The following SENP7 variants were observed in gnomAD, a reference collection of about 807,000 sequenced individuals.
SENP7 encodes the protein SUMO specific peptidase 7.
Under a neutral mutation model 141.2 loss-of-function variants are expected in SENP7, and 64 were observed. The ratio of observed to expected loss-of-function variants is 0.45; its 90% CI spans 0.37 to 0.56. The LOEUF (loss-of-function observed/expected upper bound fraction) is 0.56. Among genes scored for constraint, SENP7 ranks in the 20% least tolerant of loss-of-function variants. SENP7 has a pLI of 0.00. For synonymous variants in SENP7, 382 were observed against 426.4 expected, an observed-to-expected ratio of 0.90 and a Z score of 1.28; for missense variants, 1,025 against 1,212.2, an observed-to-expected ratio of 0.85 and a Z score of 2.29.
At chr3:101,336,890 G>A (rs912352695) in intron 17 of SENP7, among the ~76,000 whole-genome samples, 4 of 152,146 alleles carry the variant, frequency 2.6e-5, no homozygotes, top group East Asian at 1.9e-4. Context: ...AGGGTATTTC[G>A]TATAATGTAG....
chr3:101,414,698 CT>C, intron 5 of SENP7: 1 of 821,088 alleles, frequency 1.2e-6, no homozygotes, highest in Non-Finnish European at 1.8e-6. Context: ...CATTTGGGAA[CT>C]TTAGTATTTT....
Position 101,364,815 on chromosome 3 carries a change from G to C in SENP7, c.1476+19C>G. 6.6e-7 allele frequency: 1 copy of C among 1,510,136 alleles called. No individual in the cohort carries two copies. Among genetic ancestry groups the C allele is most frequent in the East Asian group, 2.4e-5 (1 of 41,410 alleles). The allele number at this position is 1,510,136 out of a possible 1,614,324, so 93.5% of individuals were successfully genotyped here. ...TGTACATTTCATTGTTAATCTATGA[G>C]AAGACAGAAATAAATTACCTGTACA... On this transcript the variant is annotated intron_variant, in intron 10 of 23. Transcript: ENST00000394095.
chr3:101,376,354 T>G (rs1197216147), intron 6 of SENP7, among the ~76,000 whole-genome samples: 1 of 152,138 alleles, frequency 6.6e-6, no homozygotes, highest in Admixed American at 6.6e-5. Context: ...AATGGCAATT[T>G]TTAGGTTACT....
At chr3:101,327,622 T>A in intron 23 of SENP7, 44 bp downstream of exon 23, 1 of 1,486,404 alleles carries the variant, frequency 6.7e-7, no homozygotes, top group Non-Finnish European at 9.1e-7. Flanking sequence ...TGTGACCGTA[T>A]GGTGGTAACT....
intron 7 of SENP7, 56 bp from the exon 8 acceptor site, chr3:101,368,067 T>C: frequency 7.2e-7 from 1 of 1,381,426 alleles, no homozygotes; most frequent in Non-Finnish European, 1.0e-6. Flanking sequence ...AGAATCTCTT[T>C]TAGAAAAGCT....
chr3:101,505,125 A>G (rs906271940), intron 1 of SENP7, among the ~76,000 whole-genome samples: 3 of 152,230 alleles, frequency 2.0e-5, no homozygotes, highest in Non-Finnish European at 4.4e-5. Flanking sequence ...TATTCTCACT[A>G]TAAGTAGGGG....
chr3:101,409,588 C>A (rs1423634883), intron 5 of SENP7, among the ~76,000 whole-genome samples: 1 of 152,070 alleles, frequency 6.6e-6, no homozygotes, highest in Non-Finnish European at 1.5e-5. Context: ...AAAATAAACA[C>A]CTAGATCAAG....
rs1460832008 is a variant in SENP7 at position 101,493,949 on chromosome 3, G to A, written c.110C>T (p.Ala37Val). 6.2e-7 allele frequency: 1 copy of A among 1,606,994 alleles called. No homozygotes were observed. The highest frequency in any genetic ancestry group is 8.5e-7 in the Non-Finnish European group (1 of 1,174,454). The change falls in exon 3 of 24, where the codon GCA (alanine) becomes GTA (valine). Residue 37 changes from alanine to valine, a missense_variant. Physicochemically the swap from Ala to Val is moderately conservative, Grantham distance 64. Transcript: ENST00000394095. ...DLSEIRKMLN[A>V]KPEDVHVQSP... ...TTGAACATGGACATCCTCTGGTTTT[G>A]CATTTAACATCTTTCTTATCTGAAA...
At chr3:101,488,393 A>C (rs1455390765) in intron 3 of SENP7, among the ~76,000 whole-genome samples, 1 of 152,242 alleles carries the variant, frequency 6.6e-6, no homozygotes, top group Non-Finnish European at 1.5e-5. Context: ...GTATAGAAAC[A>C]TTTCATCAGT....
chr3:101,426,129 G>A (rs545363319), intron 4 of SENP7, among the ~76,000 whole-genome samples: 20 of 152,256 alleles, frequency 1.3e-4, no homozygotes, highest in African/African-American at 4.8e-4. Context: ...TAGTCAGAGA[G>A]GCCAACATTC....
intron 1 of SENP7, among the ~76,000 whole-genome samples, chr3:101,501,719 A>C (rs1417232748): frequency 6.6e-6 from 1 of 152,084 alleles, no homozygotes; most frequent in Non-Finnish European, 1.5e-5. Flanking sequence ...GGCAATGAGT[A>C]CAGTATAGTG....
chr3:101,374,344 T>C (rs955935140), intron 6 of SENP7, among the ~76,000 whole-genome samples: 2 of 152,172 alleles, frequency 1.3e-5, no homozygotes, highest in Admixed American at 1.3e-4. Context: ...CAGAAAACTA[T>C]AAAACTCTTA....
At chr3:101,384,821 G>A (rs1488917536) in intron 6 of SENP7, among the ~76,000 whole-genome samples, 1 of 152,188 alleles carries the variant, frequency 6.6e-6, no homozygotes, top group Admixed American at 6.5e-5. Flanking sequence ...CAAGGATCCT[G>A]TGACATCACC....
chr3:101,371,920 A>C, intron 7 of SENP7, 88 bp downstream of exon 7: 1 of 476,516 alleles, frequency 2.1e-6, no homozygotes, highest in Non-Finnish European at 3.4e-6. Context: ...CTTTCAAAGT[A>C]AAATAAAATA....
At chr3:101,438,601 AC>A (rs2062481581) in intron 4 of SENP7, among the ~76,000 whole-genome samples, 4 of 152,344 alleles carry the variant, frequency 2.6e-5, no homozygotes, top group African/African-American at 9.6e-5. Context: ...CAATAAAAAA[AC>A]TTTAGAGTCT....
chr3:101,358,089 C>T (rs764765249), intron 11 of SENP7: 15 of 598,700 alleles, frequency 2.5e-5, no homozygotes, highest in Admixed American at 2.1e-4. Flanking sequence ...AGAAACTCTA[C>T]AAATGTGAAG....
rs7616677 is a variant in SENP7 at position 101,361,850 on chromosome 3, T to C, written c.1488A>G (p.Glu496=). ...ITCESVQMSS[E]LCPYNPVMEN... ...CCATGACAGGATTATATGGGCATAA[T>C]TCAGATGACATCTAACAAGGAATAA... Residue 496 remains glutamate, a synonymous_variant, in exon 11 of 24, where the codon GAA becomes GAG. Coordinates refer to ENST00000394095, the MANE Select transcript of SENP7 (RefSeq NM_020654.5). The C allele has an allele frequency of 0.41, 661,890 of 1,598,352 alleles. 140,361 individuals carry two copies. Among genetic ancestry groups the C allele is most frequent in the Admixed American group, 0.61 (35,101 of 57,080 alleles).
chr3:101,496,597 A>G (rs1377701842), intron 2 of SENP7, among the ~76,000 whole-genome samples: 3 of 110,416 alleles, frequency 2.7e-5, no homozygotes, highest in African/African-American at 3.4e-5. Context: ...TTTTTTTTTG[A>G]GACAGAGTCT....
In SENP7 at chr3:101,325,503, T is replaced by A. The variant is rs1053534128; in HGVS notation, c.*440A>T. The A allele has an allele frequency of 6.6e-6, 1 of 152,616 alleles. No individual in the cohort carries two copies. 9.5% of individuals were successfully genotyped at this position (152,616 alleles called of 1,614,324 possible). ...CAGTATTCATACTGCATGCTTGAGC[T>A]GCAAAGAATAGAATTACAATATGAT... On this transcript the variant is annotated 3_prime_UTR_variant, in exon 24 of 24. Transcript: ENST00000394095.
Sources: gnomAD v4.1 joint callset for allele counts (sites outside exome capture counted in the v4.1 genomes callset) on GRCh38, gnomAD v4.1.1 for gene constraint, MANE v1.5 for transcripts, NCBI Gene and HGNC (gene_info 2026-07-23, HGNC 2026-07-21) for gene names.